Variants in EXOC4 observed in about 807,000 individuals in gnomAD.
The protein encoded by EXOC4 is exocyst complex component 4.
EXOC4 carries 71 observed loss-of-function variants against 107.2 expected under a neutral mutation model. The observed-to-expected ratio is 0.66, with a 90% CI of 0.55 to 0.81. The LOEUF (loss-of-function observed/expected upper bound fraction) is 0.81. Among genes scored for constraint, EXOC4 ranks in the 30% least tolerant of loss-of-function variants. The pLI is 0.00. For missense variants in EXOC4, 1,108 were observed against 1,189.6 expected (o/e 0.93, Z 1.01); for synonymous variants, 456 against 441.2 (o/e 1.03, Z -0.42).
At position 133,659,362 on chromosome 7, in the gene EXOC4, G is replaced by A. The variant is rs117851764; in HGVS notation, c.1514+29221G>A. Among the ~76,000 whole-genome samples, 333 of 152,154 alleles carry A rather than the reference G, an allele frequency of 2.2e-3. 7 individuals are homozygous for A. In the East Asian group the frequency reaches 0.052, roughly 24 times the overall value. ...CTGCCTGTGTTTGCTAATGATGAAC[G>A]TATTCATTCCCTCACTCATTGATTC... On this transcript the variant is annotated intron_variant, in intron 10 of 17. Transcript: ENST00000253861.
At chr7:133,264,711 CTT>C (rs1319145301) in intron 1 of EXOC4, among the ~76,000 whole-genome samples, 2 of 152,034 alleles carry the variant, frequency 1.3e-5, no homozygotes, top group African/African-American at 4.8e-5. Flanking sequence ...ATGAGGGTCT[CTT>C]CTTTTCATAA....
chr7:134,020,866 G>T (rs1795012453), intron 17 of EXOC4, among the ~76,000 whole-genome samples: 1 of 151,994 alleles, frequency 6.6e-6, no homozygotes, highest in South Asian at 2.1e-4. Flanking sequence ...GGTGCCTGTA[G>T]TCCCAGCTAC....
intron 9 of EXOC4, among the ~76,000 whole-genome samples, chr7:133,491,942 G>A (rs1008133154): frequency 3.3e-5 from 5 of 152,116 alleles, no homozygotes; most frequent in Non-Finnish European, 5.9e-5. Flanking sequence ...TTTTATTGTG[G>A]TTAAGCATAA....
chr7:133,834,183 C>T lies in EXOC4; in HGVS notation c.1734+16639C>T, dbSNP rs565011346. On this transcript the variant is annotated intron_variant, in intron 11 of 17. Coordinates refer to ENST00000253861, the MANE Select transcript of EXOC4 (RefSeq NM_021807.4). ...CTTTTATTCTTTAATTCATAATACT[C>T]TCCACCCCTTTTCCCTTTTTCTCCT... 4.6e-5 allele frequency among the ~76,000 whole-genome samples: 7 copies of T among 152,244 alleles called. No homozygotes were observed. In the South Asian group the frequency reaches 1.2e-3, roughly 27 times the overall value.
At chr7:133,751,462 T>C (rs1647510561) in intron 10 of EXOC4, among the ~76,000 whole-genome samples, 1 of 152,176 alleles carries the variant, frequency 6.6e-6, no homozygotes, top group Admixed American at 6.5e-5. Context: ...AAAGTTGATT[T>C]GTCAGCATGT....
chr7:133,957,157 C>A (rs1051001435), intron 14 of EXOC4, among the ~76,000 whole-genome samples: 1 of 152,134 alleles, frequency 6.6e-6, no homozygotes, highest in Non-Finnish European at 1.5e-5. Flanking sequence ...AGCTTTTCTT[C>A]ATTTCTTCAT....
At chr7:133,844,480 C>T (rs1798085367) in intron 11 of EXOC4, among the ~76,000 whole-genome samples, 1 of 138,298 alleles carries the variant, frequency 7.2e-6, no homozygotes, top group Non-Finnish European at 1.5e-5. Flanking sequence ...ACCTCTGCTT[C>T]CCAGGTTCAA....
At chr7:133,702,427 A>G (rs890772091) in intron 10 of EXOC4, among the ~76,000 whole-genome samples, 4 of 92,354 alleles carry the variant, frequency 4.3e-5, no homozygotes, top group African/African-American at 8.4e-5. Context: ...CAACCTTGAA[A>G]TCATGGGCTC....
At chr7:133,346,620 GGCTTCTA>G (rs1418955583) in intron 5 of EXOC4, among the ~76,000 whole-genome samples, 1 of 151,930 alleles carries the variant, frequency 6.6e-6, no homozygotes, top group Non-Finnish European at 1.5e-5. Context: ...TCATCTGTGG[GGCTTCTA>G]GATAAGTAAC....
intron 10 of EXOC4, among the ~76,000 whole-genome samples, chr7:133,812,696 T>C (rs1476446935): frequency 6.6e-6 from 1 of 152,246 alleles, no homozygotes; most frequent in Admixed American, 6.5e-5. Flanking sequence ...GTGGGATGGC[T>C]ACATTGAGCT....
rs1429261379 is a variant in EXOC4, at chr7:133,596,906, G to A, written c.1418-33139G>A. Among the ~76,000 whole-genome samples the A allele has an allele frequency of 2.0e-5, 3 of 152,136 alleles. No individual in the cohort carries two copies. In the South Asian group the frequency reaches 6.2e-4, roughly 31 times the overall value. ...GTATCTATTTATGGCCAAGGACTTC[G>A]GGTCGGCCTCCCATGAAGCATCCAG... On this transcript the variant is annotated intron_variant, in intron 9 of 17. Transcript: ENST00000253861.
chr7:133,587,927 C>A (rs1801444908), intron 9 of EXOC4, among the ~76,000 whole-genome samples: 1 of 151,824 alleles, frequency 6.6e-6, no homozygotes, highest in Non-Finnish European at 1.5e-5. Context: ...TTTTTTTTCC[C>A]CTTAGGGGAG....
chr7:133,916,265 G>A (rs1260075217), intron 12 of EXOC4, among the ~76,000 whole-genome samples: 1 of 152,216 alleles, frequency 6.6e-6, no homozygotes, highest in Non-Finnish European at 1.5e-5. Flanking sequence ...GTAGAGCTCA[G>A]GTAGTAACGC....
chr7:133,427,678 T>C (rs1224336796), intron 7 of EXOC4, among the ~76,000 whole-genome samples: 1 of 152,216 alleles, frequency 6.6e-6, no homozygotes, highest in African/African-American at 2.4e-5. Flanking sequence ...TAAATTAATA[T>C]CTTGCTTTTG....
In EXOC4 at chr7:133,289,076, G is replaced by A. The variant is rs1794346304; in HGVS notation, c.431G>A (p.Cys144Tyr). 2 of 1,614,166 alleles carry A rather than the reference G, an allele frequency of 1.2e-6. No individual in the cohort carries two copies. ...CAAGTGCCTCAAAAGCTGGAACAGTGCATGGCCAGCAAGCACTATCTCAGT... is the reference window on the plus strand; with the variant it reads ...CAAGTGCCTCAAAAGCTGGAACAGTACATGGCCAGCAAGCACTATCTCAGT... ...IKQVPQKLEQ[C>Y]MASKHYLSAT... Residue 144 changes from cysteine to tyrosine, a missense_variant, in exon 3 of 18, where the codon TGC becomes TAC. Coordinates refer to ENST00000253861, the MANE Select transcript of EXOC4 (RefSeq NM_021807.4).
rs1328746341 is a variant in EXOC4 at position 133,390,744 on chromosome 7, T to C, written c.1182+15742T>C. On this transcript the variant is annotated intron_variant, in intron 7 of 17. Coordinates refer to ENST00000253861, the MANE Select transcript of EXOC4 (RefSeq NM_021807.4). ...TTAATGGGAAACTACAAAACTTATATGTAATCATTTCAAAAGTCCTCCCTA... is the reference window on the plus strand; with the variant it reads ...TTAATGGGAAACTACAAAACTTATACGTAATCATTTCAAAAGTCCTCCCTA... 2.0e-5 allele frequency among the ~76,000 whole-genome samples: 3 copies of C among 152,304 alleles called. No individual in the cohort carries two copies. In the East Asian group the frequency reaches 5.8e-4, roughly 29 times the overall value.
chr7:133,675,570 C>G (rs1794038256), intron 10 of EXOC4, among the ~76,000 whole-genome samples: 1 of 152,140 alleles, frequency 6.6e-6, no homozygotes, highest in South Asian at 2.1e-4. Flanking sequence ...GAAGAGTTGA[C>G]TTTATTCTGG....
In EXOC4 at chr7:133,679,503, C is replaced by T. The variant is rs560066457; in HGVS notation, c.1514+49362C>T. Among the ~76,000 whole-genome samples the T allele has an allele frequency of 3.4e-4, 51 of 151,782 alleles. No individual in the cohort carries two copies. The Middle Eastern group carries it at 0.01, about 30-fold the overall frequency. ...AGAGCAGAGCCTTTAGCCTGATGTT[C>T]CAGGAGCTCTTGCTACTGCCCCATC... On this transcript the variant is annotated intron_variant, in intron 10 of 17. Transcript: ENST00000253861.
At chr7:133,316,142 C>T (rs1794986250) in intron 4 of EXOC4, among the ~76,000 whole-genome samples, 2 of 152,110 alleles carry the variant, frequency 1.3e-5, no homozygotes, top group Admixed American at 6.5e-5. Flanking sequence ...TCTGAAAAAA[C>T]ATGTTTGTTT....
Sources: gnomAD v4.1 joint callset for allele counts (sites outside exome capture counted in the v4.1 genomes callset) on GRCh38, gnomAD v4.1.1 for gene constraint, MANE v1.5 for transcripts, NCBI Gene and HGNC (gene_info 2026-07-23, HGNC 2026-07-21) for gene names.